Variants in RUNX2 observed in about 807,000 individuals in gnomAD.
RUNX2 encodes the protein runt-related transcription factor 2.
In RUNX2, 10 loss-of-function variants were observed where a neutral mutation model predicts 51.7. The observed-to-expected ratio is 0.19, with a 90% confidence interval of 0.12 to 0.33. RUNX2 has a LOEUF of 0.33. Among genes scored for constraint, RUNX2 ranks in the 10% least tolerant of loss-of-function variants. The probability of loss-of-function intolerance (pLI) is 1.00; values close to 1 mark genes in which losing one functional copy is unlikely to be tolerated. For synonymous variants in RUNX2, 276 were observed against 273.6 expected (o/e 1.01, Z -0.09); for missense variants, 562 against 691.3 (o/e 0.81, Z 2.10).
intron 2 of RUNX2, among the ~76,000 whole-genome samples, chr6:45,330,404 C>T (rs1440272662): frequency 6.6e-6 from 1 of 151,888 alleles, no homozygotes; most frequent in Non-Finnish European, 1.5e-5. Context: ...AGAGGGATAA[C>T]TTGAAACAGG....
At chr6:45,391,265 G>A (rs899460103) in intron 2 of RUNX2, among the ~76,000 whole-genome samples, 2 of 152,092 alleles carry the variant, frequency 1.3e-5, no homozygotes, top group Admixed American at 6.5e-5. Flanking sequence ...CCATCCCCTT[G>A]GTAAAAGTGA....
intron 3 of RUNX2, among the ~76,000 whole-genome samples, chr6:45,426,903 A>G (rs1716043089): frequency 6.6e-6 from 1 of 152,192 alleles, no homozygotes; most frequent in African/African-American, 2.4e-5. Context: ...TTTTTCTTAC[A>G]TAGTTAATGA....
chr6:45,414,210 C>T (rs1798013799), intron 2 of RUNX2, among the ~76,000 whole-genome samples: 1 of 152,000 alleles, frequency 6.6e-6, no homozygotes, highest in African/African-American at 2.4e-5. Flanking sequence ...AAGATTGTGG[C>T]TTCTAGAAGC....
At chr6:45,392,895 A>T (rs1284682729) in intron 2 of RUNX2, among the ~76,000 whole-genome samples, 1 of 151,966 alleles carries the variant, frequency 6.6e-6, no homozygotes, top group Non-Finnish European at 1.5e-5. Flanking sequence ...TAATCGGCCC[A>T]CAGTTCTTGG....
chr6:45,389,734 G>C (rs1289286575), intron 2 of RUNX2, among the ~76,000 whole-genome samples: 1 of 152,168 alleles, frequency 6.6e-6, no homozygotes, highest in Non-Finnish European at 1.5e-5. Flanking sequence ...TGGCAGGCCG[G>C]GCATGGTGGC....
chr6:45,471,038 A>C (rs181121432), intron 5 of RUNX2, among the ~76,000 whole-genome samples: 1 of 152,298 alleles, frequency 6.6e-6, no homozygotes, highest in East Asian at 1.9e-4. Context: ...ATAGCTTTTC[A>C]GTTTTGCTAG....
intron 2 of RUNX2, among the ~76,000 whole-genome samples, chr6:45,419,608 C>A (rs1480506428): frequency 6.6e-6 from 1 of 152,218 alleles, no homozygotes; most frequent in East Asian, 1.9e-4. Context: ...GGCTTCCCTT[C>A]CCGGATCGGC....
chr6:45,355,138 CT>C (rs1205511889), intron 2 of RUNX2, among the ~76,000 whole-genome samples: 1,354 of 131,596 alleles, frequency 0.01, 14 homozygotes, highest in African/African-American at 0.026. Context: ...AAAGACCTGG[CT>C]TTTTTTTTTT....
chr6:45,365,575 AT>A (rs1740448954), intron 2 of RUNX2, among the ~76,000 whole-genome samples: 1 of 151,048 alleles, frequency 6.6e-6, no homozygotes, highest in South Asian at 2.1e-4. Flanking sequence ...TAAAAACAGT[AT>A]TTATTAACAT....
rs1296303004 is a variant in RUNX2, at chr6:45,519,834, G to GTA, written c.1021+7428_1021+7429insAT. The stretch of plus-strand genomic sequence containing the variant: ...TGTGTGTGTGTGTGTGTGTGTGTGT[G>GTA]TGTATATATTTGAGATGGAGTTCGC... On this transcript the variant is annotated intron_variant, in intron 7 of 8. Transcript: ENST00000647337. 7.6e-4 allele frequency among the ~76,000 whole-genome samples: 104 copies of GTA among 137,138 alleles called. 2 individuals carry two copies. The highest frequency in any genetic ancestry group is 2.9e-3 in the South Asian group (13 of 4,458). 90.0% of individuals were successfully genotyped at this position (137,138 alleles called of 152,430 possible). A position where few individuals can be genotyped will look rare whatever the true frequency, so the allele number is the denominator to read the frequency against.
intron 2 of RUNX2, among the ~76,000 whole-genome samples, chr6:45,397,281 T>C (rs984660759): frequency 1.4e-5 from 2 of 146,414 alleles, no homozygotes; most frequent in South Asian, 2.2e-4. Context: ...TTTTTTCTAC[T>C]TTTTTTTTTA....
chr6:45,426,320 T>C (rs950898006), intron 3 of RUNX2, among the ~76,000 whole-genome samples: 2 of 152,224 alleles, frequency 1.3e-5, no homozygotes, highest in Non-Finnish European at 1.5e-5. Flanking sequence ...TTAAAATAGT[T>C]AGGGCATACT....
intron 2 of RUNX2, among the ~76,000 whole-genome samples, chr6:45,376,465 C>T (rs1796787371): frequency 6.6e-6 from 1 of 152,130 alleles, no homozygotes; most frequent in African/African-American, 2.4e-5. Flanking sequence ...AAATTAAGTT[C>T]CTCAGTGACA....
intron 5 of RUNX2, among the ~76,000 whole-genome samples, chr6:45,443,718 C>T (rs577969749): frequency 6.6e-6 from 1 of 152,270 alleles, no homozygotes; most frequent in East Asian, 1.9e-4. Flanking sequence ...TGGGTATTCC[C>T]TTGTGGTGCT....
chr6:45,355,909 T>TC lies in RUNX2; in HGVS notation c.58+27132dup, dbSNP rs568646084. Among the ~76,000 whole-genome samples, 111 of 151,892 alleles carry TC rather than the reference T, an allele frequency of 7.3e-4. 1 individual carries two copies. Among genetic ancestry groups the TC allele is most frequent in the African/African-American group, 1.9e-3 (77 of 41,420 alleles). ...CCAGGCCAACCCCAAAAATTTAATT[T>TC]CCCCCCCTTTCCCTATTAAACACAC... is the stretch of plus-strand genomic sequence containing the variant. On this transcript the variant is annotated intron_variant, in intron 2 of 8. Transcript: ENST00000647337.
chr6:45,471,356 T>C (rs1258449037), intron 5 of RUNX2, among the ~76,000 whole-genome samples: 1 of 152,072 alleles, frequency 6.6e-6, no homozygotes, highest in South Asian at 2.1e-4. Context: ...TCTAAGTTCC[T>C]GAAAAGCAGG....
chr6:45,328,940 T>A (rs1398570511), intron 2 of RUNX2, among the ~76,000 whole-genome samples, 156 bp downstream of exon 2: 1 of 152,034 alleles, frequency 6.6e-6, no homozygotes, highest in Non-Finnish European at 1.5e-5. Flanking sequence ...AATTTCTGTA[T>A]ATATTTGCAT....
chr6:45,439,839 G>T (rs1798793391), intron 5 of RUNX2, among the ~76,000 whole-genome samples: 1 of 152,176 alleles, frequency 6.6e-6, no homozygotes, highest in African/African-American at 2.4e-5. Flanking sequence ...CTTTGGAAAA[G>T]TCACTTCTGT....
intron 2 of RUNX2, among the ~76,000 whole-genome samples, chr6:45,367,215 C>T (rs1439289410): frequency 1.3e-5 from 2 of 152,126 alleles, no homozygotes; most frequent in East Asian, 1.9e-4. Context: ...AGGGCCCTAA[C>T]AGCCAGGCCA....
Sources: gnomAD v4.1 joint callset for allele counts (sites outside exome capture counted in the v4.1 genomes callset) on GRCh38, gnomAD v4.1.1 for gene constraint, MANE v1.5 for transcripts, NCBI Gene and HGNC (gene_info 2026-07-23, HGNC 2026-07-21) for gene names.